Variants in SIKE1 observed in about 807,000 individuals in gnomAD.
The protein encoded by SIKE1 is suppressor of IKK epsilon.
SIKE1 carries 13 observed loss-of-function variants against 25.8 expected under a neutral mutation model. The ratio of observed to expected loss-of-function variants is 0.50; its 90% CI spans 0.33 to 0.80. The LOEUF is 0.80. Ranked by LOEUF, SIKE1 falls within the 30% of genes least tolerant of loss-of-function variation. The pLI is 0.02. For synonymous variants in SIKE1, 86 were observed against 95.5 expected, an observed-to-expected ratio of 0.90 and a Z score of 0.58; for missense variants, 222 against 252.4, an observed-to-expected ratio of 0.88 and a Z score of 0.82.
Position 114,774,234 on chromosome 1 carries a change from C to T in SIKE1, c.*37G>A, listed in dbSNP as rs761547513. On this transcript the variant is annotated 3_prime_UTR_variant, in exon 5 of 5. Coordinates refer to ENST00000060969, the MANE Select transcript of SIKE1 (RefSeq NM_025073.3). ...GAATGGGAAGACAGTAACTTCCTTC[C>T]TTGATAGACAATCTCCAGCCATCAT... 5 of 1,505,332 alleles carry T rather than the reference C, an allele frequency of 3.3e-6. No homozygotes were observed. Among genetic ancestry groups the T allele is most frequent in the Non-Finnish European group, 4.6e-6 (5 of 1,084,452 alleles). 93.2% of individuals were successfully genotyped at this position (1,505,332 alleles called of 1,614,324 possible).
Position 114,770,471 on chromosome 1 carries a change from A to G in SIKE1, c.*3800T>C, listed in dbSNP as rs1358051444. ...TTTTGCTGTACCTCTGTGGAGATGAATGCAGTAGTGTTGTTAATCACCATC... is the reference window on the plus strand; with the variant it reads ...TTTTGCTGTACCTCTGTGGAGATGAGTGCAGTAGTGTTGTTAATCACCATC... On this transcript the variant is annotated 3_prime_UTR_variant, in exon 5 of 5. Transcript: ENST00000060969. The G allele has an allele frequency of 1.3e-5, 2 of 152,248 alleles. No individual in the cohort carries two copies. Among genetic ancestry groups the G allele is most frequent in the East Asian group, 3.8e-4 (2 of 5,200 alleles). 9.4% of individuals were successfully genotyped at this position (152,248 alleles called of 1,614,324 possible).
At chr1:114,777,018 G>A (rs543411093) in intron 3 of SIKE1, among the ~76,000 whole-genome samples, 27 of 152,220 alleles carry the variant, frequency 1.8e-4, no homozygotes, top group South Asian at 1.0e-3. Flanking sequence ...ACCAAACACC[G>A]CATGTTCTCA....
chr1:114,775,470 A>T (rs1015293834), intron 4 of SIKE1, among the ~76,000 whole-genome samples: 1 of 151,212 alleles, frequency 6.6e-6, no homozygotes, highest in Non-Finnish European at 1.5e-5. Context: ...CCTTGTAATA[A>T]GCAGCATTCA....
At position 114,780,654 on chromosome 1, in the gene SIKE1, G is replaced by A. The variant is rs372920288; in HGVS notation, c.-47C>T. On this transcript the variant is annotated 5_prime_UTR_variant, in exon 1 of 5. It introduces an in-frame stop codon into an upstream open reading frame of the 5' UTR. Transcript: ENST00000060969. Reference sequence around the variant, plus strand: ...CCTGCCGGGCTCAGCTACGCGACTCGCTCAGATCTTCTGGGAGTCTGTCTC... The same window carrying A: ...CCTGCCGGGCTCAGCTACGCGACTCACTCAGATCTTCTGGGAGTCTGTCTC... The A allele has an allele frequency of 2.4e-4, 354 of 1,491,634 alleles. 1 individual carries two copies. The African/African-American group carries it at 4.3e-3, about 18-fold the overall frequency. The allele number at this position is 1,491,634 out of a possible 1,614,324, so 92.4% of individuals were successfully genotyped here.
At position 114,779,149 on chromosome 1, in the gene SIKE1, T is replaced by A. The variant is rs1337776475; in HGVS notation, c.401A>T (p.His134Leu). Residue 134 changes from histidine (H) to leucine (L), a missense_variant, in exon 3 of 5, where the codon CAC becomes CTC. Physicochemically the swap from His to Leu is moderately conservative, Grantham distance 99 (BLOSUM62 -3). Coordinates refer to ENST00000060969, the MANE Select transcript of SIKE1 (RefSeq NM_025073.3). ...TTATTCAAAGTTTCTTACTGCAGAGTGAGACTGGTGAGCTTTCAGGACTGG... is the reference window on the plus strand; with the variant it reads ...TTATTCAAAGTTTCTTACTGCAGAGAGAGACTGGTGAGCTTTCAGGACTGG... ...AEPVLKAHQS[H>L]SAEIESQIDR... 6.2e-7 allele frequency: 1 copy of A among 1,614,128 alleles called. No homozygotes were observed.
Position 114,780,602 on chromosome 1 carries a change from G to A in SIKE1, c.6C>T (p.Ser2=). Reference sequence around the variant, plus strand: ...CTGTCAGGATCTTCTCGATGGTGCAGCTCATAGCAGCAGCACCACCCCAGC... The same window carrying A: ...CTGTCAGGATCTTCTCGATGGTGCAACTCATAGCAGCAGCACCACCCCAGC... M[S]CTIEKILTDA... Residue 2 remains serine, a synonymous_variant, in exon 1 of 5, where the codon AGC becomes AGT. Coordinates refer to ENST00000060969, the MANE Select transcript of SIKE1 (RefSeq NM_025073.3). 6.2e-7 allele frequency: 1 copy of A among 1,610,216 alleles called. No individual in the cohort carries two copies. The highest frequency in any genetic ancestry group is 1.1e-5 in the South Asian group (1 of 90,976).
intron 3 of SIKE1, among the ~76,000 whole-genome samples, chr1:114,778,443 C>T (rs536354457): frequency 5.6e-4 from 86 of 152,230 alleles, no homozygotes; most frequent in South Asian, 1.9e-3. Flanking sequence ...TGAATTCATG[C>T]GCCTTACAAG....
At chr1:114,779,322 G>C in intron 2 of SIKE1, 38 bp from the exon 3 acceptor site, 1 of 1,601,590 alleles carries the variant, frequency 6.2e-7, no homozygotes. Flanking sequence ...TGATGTCTGA[G>C]AGACAGTTCC....
chr1:114,778,357 G>T (rs1557723829), intron 3 of SIKE1, among the ~76,000 whole-genome samples: 1 of 152,152 alleles, frequency 6.6e-6, no homozygotes, highest in South Asian at 2.1e-4. Flanking sequence ...AACATAGTAT[G>T]ATACTATGTG....
chr1:114,772,201 T>C lies in SIKE1; in HGVS notation c.*2070A>G, dbSNP rs939654521. On this transcript the variant is annotated 3_prime_UTR_variant, in exon 5 of 5. Transcript: ENST00000060969. ...ATGTAAAAAAACCCTCTGCACTTCC[T>C]CATTTGACTTACTACTGAGTAAAAT... is the stretch of plus-strand genomic sequence containing the variant. The C allele has an allele frequency of 1.3e-5, 2 of 152,208 alleles. No homozygotes were observed. The highest frequency in any genetic ancestry group is 2.9e-5 in the Non-Finnish European group (2 of 68,024). 9.4% of individuals were successfully genotyped at this position (152,208 alleles called of 1,614,324 possible). A position where few individuals can be genotyped will look rare whatever the true frequency, so the allele number is the denominator to read the frequency against.
At chr1:114,774,537 A>G (rs1662160689) in intron 4 of SIKE1, among the ~76,000 whole-genome samples, 165 bp from the exon 5 acceptor site, 1 of 152,176 alleles carries the variant, frequency 6.6e-6, no homozygotes, top group Non-Finnish European at 1.5e-5. Context: ...TACTTTATTC[A>G]TTTAACAAAC....
rs1662327984 is a variant in SIKE1 at position 114,779,001 on chromosome 1, G to C, written c.408+141C>G. The C allele has an allele frequency of 4.1e-6, 4 of 973,566 alleles. No homozygotes were observed. In the East Asian group the frequency reaches 7.4e-5, roughly 18 times the overall value. 60.3% of individuals were successfully genotyped at this position (973,566 alleles called of 1,614,324 possible). On this transcript the variant is annotated intron_variant, in intron 3 of 4. Transcript: ENST00000060969. ...GAGCCCAGGAGGCAGAGGTTGCAGT[G>C]AGCCGAGATCGTGCCATTACACCAC...
intron 4 of SIKE1, among the ~76,000 whole-genome samples, chr1:114,775,250 C>T (rs991867748): frequency 2.8e-4 from 43 of 152,224 alleles, no homozygotes; most frequent in Middle Eastern, 3.4e-3. Context: ...CCAAGATGTG[C>T]GGAAGTCCCA....
In SIKE1 at chr1:114,770,201, C is replaced by G. The variant is rs979708495; in HGVS notation, c.*4070G>C. On this transcript the variant is annotated 3_prime_UTR_variant, in exon 5 of 5. Transcript: ENST00000060969. ...ATCACCTGAAGTCATAAGTTCGAGA[C>G]CAGCCTGGCCAACATGGAGAAACCC... The G allele has an allele frequency of 6.6e-6, 1 of 152,276 alleles. No homozygotes were observed. Among genetic ancestry groups the G allele is most frequent in the Admixed American group, 6.5e-5 (1 of 15,276 alleles). The allele number at this position is 152,276 out of a possible 1,614,324, so 9.4% of individuals were successfully genotyped here. A position where few individuals can be genotyped will look rare whatever the true frequency, so the allele number is the denominator to read the frequency against.
chr1:114,773,652 A>T lies in SIKE1; in HGVS notation c.*619T>A, dbSNP rs1027634307. The T allele has an allele frequency of 7.9e-5, 12 of 152,642 alleles. No individual in the cohort carries two copies. The highest frequency in any genetic ancestry group is 2.4e-4 in the African/African-American group (10 of 41,468). 9.5% of individuals were successfully genotyped at this position (152,642 alleles called of 1,614,324 possible). On this transcript the variant is annotated 3_prime_UTR_variant, in exon 5 of 5. Transcript: ENST00000060969. ...ACTATAGCATCACTGGGCAAAAAAA[A>T]TAGCTGACTTATTTCCAAGTGTGTT... is the stretch of plus-strand genomic sequence containing the variant.
At chr1:114,778,479 G>A (rs1662309310) in intron 3 of SIKE1, among the ~76,000 whole-genome samples, 1 of 152,184 alleles carries the variant, frequency 6.6e-6, no homozygotes, top group East Asian at 1.9e-4. Context: ...AAATGTATAA[G>A]TAATAACCAA....
In SIKE1 at chr1:114,780,638, C is replaced by G. The variant is rs201594433; in HGVS notation, c.-31G>C. 8.4e-6 allele frequency: 13 copies of G among 1,553,168 alleles called. No homozygotes were observed. The Admixed American group carries it at 2.0e-4, about 24-fold the overall frequency. On this transcript the variant is annotated 5_prime_UTR_variant, in exon 1 of 5. Coordinates refer to ENST00000060969, the MANE Select transcript of SIKE1 (RefSeq NM_025073.3). ...CAGCACCACCCCAGCCCCTGCCGGGCTCAGCTACGCGACTCGCTCAGATCT... is the reference window on the plus strand; with the variant it reads ...CAGCACCACCCCAGCCCCTGCCGGGGTCAGCTACGCGACTCGCTCAGATCT...
chr1:114,774,577 T>C (rs1478974478), intron 4 of SIKE1, among the ~76,000 whole-genome samples: 2 of 152,218 alleles, frequency 1.3e-5, no homozygotes, highest in Non-Finnish European at 2.9e-5. Flanking sequence ...GCAATGATAC[T>C]CTTTTGTAGT....
rs758360808 is a variant in SIKE1, at chr1:114,779,171, C to T, written c.379G>A (p.Val127Ile). ...GAGTGAGACTGGTGAGCTTTCAGGACTGGTTCAGCATCCACCGCTTTTTTA... is the reference window on the plus strand; with the variant it reads ...GAGTGAGACTGGTGAGCTTTCAGGATTGGTTCAGCATCCACCGCTTTTTTA... ...VAKKAVDAEPVLKAHQSHSAE... is the reference protein window; with the variant it reads ...VAKKAVDAEPILKAHQSHSAE... The change falls in exon 3 of 5, where the codon GTC becomes ATC. Residue 127 changes from valine to isoleucine, a missense_variant. Transcript: ENST00000060969. 5 of 1,614,212 alleles carry T rather than the reference C, an allele frequency of 3.1e-6. No individual in the cohort carries two copies. The South Asian group carries it at 5.5e-5, about 18-fold the overall frequency.
Sources: gnomAD v4.1 joint callset for allele counts (sites outside exome capture counted in the v4.1 genomes callset) on GRCh38, gnomAD v4.1.1 for gene constraint, MANE v1.5 for transcripts, NCBI Gene and HGNC (gene_info 2026-07-23, HGNC 2026-07-21) for gene names.